Variants in DIS3L2 observed in about 807,000 individuals in gnomAD.
DIS3L2 encodes the protein DIS3-like exonuclease 2.
In DIS3L2, 34 loss-of-function variants were observed where a neutral mutation model predicts 97.5. The ratio of observed to expected loss-of-function variants is 0.35; its 90% CI spans 0.27 to 0.46. DIS3L2 has a LOEUF of 0.46. Among genes scored for constraint, DIS3L2 ranks in the 20% least tolerant of loss-of-function variants. DIS3L2 has a pLI of 1.00. For synonymous variants in DIS3L2, 435 were observed against 445.2 expected (o/e 0.98, Z 0.29); for missense variants, 1,038 against 1,146.0 (o/e 0.91, Z 1.36).
chr2:232,057,998 T>C (rs1695595417), intron 5 of DIS3L2, among the ~76,000 whole-genome samples: 1 of 152,220 alleles, frequency 6.6e-6, no homozygotes, highest in African/African-American at 2.4e-5. Flanking sequence ...ATGGCATTCC[T>C]CTGTATTTCC....
intron 5 of DIS3L2, among the ~76,000 whole-genome samples, chr2:232,075,402 T>C (rs771476313): frequency 5.3e-5 from 8 of 152,226 alleles, no homozygotes; most frequent in Non-Finnish European, 1.0e-4. Context: ...TCCATAGTTA[T>C]GTTTAAATTC....
intron 5 of DIS3L2, among the ~76,000 whole-genome samples, chr2:232,038,892 G>A (rs1488751766): frequency 3.3e-5 from 5 of 152,128 alleles, no homozygotes; most frequent in Non-Finnish European, 7.3e-5. Context: ...CTCCCTAGAG[G>A]CCTAATTTTA....
At chr2:232,162,224 C>T (rs1334083504) in intron 8 of DIS3L2, among the ~76,000 whole-genome samples, 1 of 152,042 alleles carries the variant, frequency 6.6e-6, no homozygotes, top group African/African-American at 2.4e-5. Context: ...AGAGACCACC[C>T]ATTTGTGGAG....
intron 14 of DIS3L2, 74 bp downstream of exon 14, chr2:232,300,193 A>G: frequency 7.1e-7 from 1 of 1,406,582 alleles, no homozygotes; most frequent in South Asian, 1.2e-5. Context: ...TCTGACACTG[A>G]GCTTCCATTG....
chr2:232,027,379 G>A (rs1268326346), intron 4 of DIS3L2, among the ~76,000 whole-genome samples: 1 of 152,136 alleles, frequency 6.6e-6, no homozygotes, highest in Non-Finnish European at 1.5e-5. Context: ...ATTGTTACCG[G>A]CTTAAGCTAG....
At position 232,037,674 on chromosome 2, in the gene DIS3L2, G is replaced by A. The variant is rs1051738296; in HGVS notation, c.366+7594G>A. Among the ~76,000 whole-genome samples the A allele has an allele frequency of 8.5e-5, 13 of 152,214 alleles. No individual in the cohort carries two copies. The highest frequency in any genetic ancestry group is 1.6e-4 in the Non-Finnish European group (11 of 68,036). On this transcript the variant is annotated intron_variant, in intron 5 of 20. Coordinates refer to ENST00000325385, the MANE Select transcript of DIS3L2 (RefSeq NM_152383.5). The surrounding 1 kb of genome is among the most constrained non-coding windows in gnomAD (Gnocchi z 4.6). ...CAGGGCCCTTGTGGTATAGGCACCCGAGGGAATCTCCTGGTCTGAGGGTTG... is the reference window on the plus strand; with the variant it reads ...CAGGGCCCTTGTGGTATAGGCACCCAAGGGAATCTCCTGGTCTGAGGGTTG...
At chr2:232,071,244 C>G (rs78831370) in intron 5 of DIS3L2, among the ~76,000 whole-genome samples, 1 of 152,018 alleles carries the variant, frequency 6.6e-6, no homozygotes, top group African/African-American at 2.4e-5. Context: ...ATTCTTGGCT[C>G]GCTGTGGTGG....
At chr2:232,235,315 G>A (rs1692903873) in intron 10 of DIS3L2, among the ~76,000 whole-genome samples, 1 of 152,216 alleles carries the variant, frequency 6.6e-6, no homozygotes, top group Admixed American at 6.5e-5. Flanking sequence ...GGCAGCATAT[G>A]CCATGTGACT....
At chr2:232,299,746 T>C (rs1694810173) in intron 13 of DIS3L2, among the ~76,000 whole-genome samples, 1 of 152,150 alleles carries the variant, frequency 6.6e-6, no homozygotes, top group South Asian at 2.1e-4. Flanking sequence ...ATGAAAAGAG[T>C]CTGCTGTCAC....
chr2:232,083,356 A>G (rs1696469127), intron 5 of DIS3L2, among the ~76,000 whole-genome samples: 1 of 151,112 alleles, frequency 6.6e-6, no homozygotes, highest in Admixed American at 6.6e-5. Flanking sequence ...TGCAGATTGT[A>G]TAACAAAGTC....
rs925017820 is a variant in DIS3L2 at position 232,343,409 on chromosome 2, C to G, written c.1646C>G (p.Ala549Gly). Residue 549 changes from alanine (A) to glycine (G), a missense_variant, in exon 14 of 14, where the codon GCA becomes GGA. By Grantham distance (60) the Ala-to-Gly change is moderately conservative. Transcript: ENST00000273009. Reference sequence around the variant, plus strand: ...TCTCACAGCCCCTCTGCTGAAGATGCAGAAGCACAGCCCTCCACAGAGGAA... The same window carrying G: ...TCTCACAGCCCCTCTGCTGAAGATGGAGAAGCACAGCCCTCCACAGAGGAA... The G allele has an allele frequency of 7.1e-6, 11 of 1,556,594 alleles. No individual in the cohort carries two copies. In the South Asian group the frequency reaches 7.1e-5, roughly 10 times the overall value.
rs142390363 is a variant in DIS3L2 at position 232,279,095 on chromosome 2, G to A, written c.1659+15655G>A. On this transcript the variant is annotated intron_variant, in intron 13 of 20. Transcript: ENST00000325385. ...TGGGATTATAGGCATGTGCCACCAC[G>A]CCCAGCTTATTTTTTGTATTTAATA... 9.9e-3 allele frequency among the ~76,000 whole-genome samples: 1,505 copies of A among 152,206 alleles called. 30 individuals are homozygous for A. Among genetic ancestry groups the A allele is most frequent in the African/African-American group, 0.034 (1,418 of 41,512 alleles).
intron 14 of DIS3L2, among the ~76,000 whole-genome samples, chr2:232,316,408 G>A (rs1695277011): frequency 6.6e-6 from 1 of 151,878 alleles, no homozygotes; most frequent in Non-Finnish European, 1.5e-5. Flanking sequence ...GATTTTGCTG[G>A]GGCCCTGCCC....
intron 5 of DIS3L2, among the ~76,000 whole-genome samples, chr2:232,045,432 G>T (rs993385392): frequency 6.6e-6 from 1 of 152,094 alleles, no homozygotes; most frequent in Non-Finnish European, 1.5e-5. Flanking sequence ...GATTTATAAA[G>T]AATAGACATT....
chr2:232,070,939 G>A (rs1307764420), intron 5 of DIS3L2, among the ~76,000 whole-genome samples: 1 of 152,070 alleles, frequency 6.6e-6, no homozygotes, highest in Non-Finnish European at 1.5e-5. Flanking sequence ...GAGGGCACAT[G>A]TTACAGAACA....
chr2:232,162,280 C>T (rs1389280331), intron 8 of DIS3L2, among the ~76,000 whole-genome samples: 1 of 152,148 alleles, frequency 6.6e-6, no homozygotes, highest in Non-Finnish European at 1.5e-5. Context: ...GCCCACAGGT[C>T]AGTCTGCAGG....
At chr2:231,985,316 A>G (rs1179102724) in intron 1 of DIS3L2, among the ~76,000 whole-genome samples, 1 of 152,240 alleles carries the variant, frequency 6.6e-6, no homozygotes, top group Non-Finnish European at 1.5e-5. Context: ...ATGCTATATA[A>G]ACAGAATCAT....
At chr2:232,324,991 G>A (rs1695534891) in intron 14 of DIS3L2, among the ~76,000 whole-genome samples, 2 of 152,190 alleles carry the variant, frequency 1.3e-5, no homozygotes, top group Non-Finnish European at 1.5e-5. Context: ...CAGATGCCCT[G>A]GATCCCTGAC....
At chr2:232,238,202 A>G (rs1178033437) in intron 10 of DIS3L2, among the ~76,000 whole-genome samples, 1 of 152,198 alleles carries the variant, frequency 6.6e-6, no homozygotes, top group African/African-American at 2.4e-5. Flanking sequence ...GTGACCTAAA[A>G]GGATTTGTTC....
Sources: allele counts gnomAD v4.1 joint callset (sites outside exome capture counted in the v4.1 genomes callset), GRCh38; gene constraint gnomAD v4.1.1; non-coding constraint Gnocchi (gnomAD v3.1); transcripts MANE v1.5; gene names NCBI Gene and HGNC (gene_info 2026-07-23, HGNC 2026-07-21).